TRIML2: variants seen among roughly 807,000 people sequenced by gnomAD.
TRIML2 encodes the protein probable E3 ubiquitin-protein ligase TRIML2.
A neutral mutation model predicts 31.2 loss-of-function variants in TRIML2; 28 were observed. That is an observed-to-expected ratio of 0.90 (90% confidence interval 0.66 to 1.23). TRIML2 has a LOEUF of 1.23. TRIML2 is among the 50% of genes most tolerant of loss of function. TRIML2 has a pLI of 0.00. For missense variants in TRIML2, 536 were observed against 528.3 expected (o/e 1.01, Z -0.14); for synonymous variants, 187 against 197.5 (o/e 0.95, Z 0.45).
chr4:188,106,314 G>C (rs34559257), intron 1 of TRIML2, among the ~76,000 whole-genome samples: 45,911 of 152,004 alleles, frequency 0.3, 7,284 homozygotes, highest in African/African-American at 0.41. Context: ...GCCTCCCAAA[G>C]TGCTGGGATT....
chr4:188,106,251 C>T (rs7670619), intron 1 of TRIML2, among the ~76,000 whole-genome samples: 55,469 of 151,670 alleles, frequency 0.37, 10,203 homozygotes, highest in South Asian at 0.45. Context: ...CGGGGTTTCA[C>T]CGTGTTAGCC....
At chr4:188,101,760 G>A (rs1414134280) in intron 3 of TRIML2, among the ~76,000 whole-genome samples, 2 of 151,872 alleles carry the variant, frequency 1.3e-5, no homozygotes, top group East Asian at 3.9e-4. Context: ...AAACCCAAAG[G>A]AGAAATAGAA....
chr4:188,100,322 A>C (rs981932582), intron 4 of TRIML2, among the ~76,000 whole-genome samples: 3 of 152,180 alleles, frequency 2.0e-5, no homozygotes, highest in Non-Finnish European at 2.9e-5. Context: ...TGTTATATCC[A>C]GTTTACAGCT....
At chr4:188,096,745 C>T (rs1198803351) in intron 7 of TRIML2, among the ~76,000 whole-genome samples, 1 of 151,568 alleles carries the variant, frequency 6.6e-6, no homozygotes, top group Non-Finnish European at 1.5e-5. Context: ...CAATCTCCAC[C>T]TCCTGGGTTC....
chr4:188,101,290 A>C (rs1387846444), intron 3 of TRIML2, 40 bp from the exon 4 acceptor site: 2 of 1,323,424 alleles, frequency 1.5e-6, no homozygotes, highest in Non-Finnish European at 2.1e-6. Flanking sequence ...GTTAAACATG[A>C]TAGATTAACA....
chr4:188,100,707 C>G (rs553360833), intron 4 of TRIML2, among the ~76,000 whole-genome samples: 3 of 152,100 alleles, frequency 2.0e-5, no homozygotes, highest in Admixed American at 2.0e-4. Context: ...GGAGACAGAG[C>G]CAGACTCTGT....
chr4:188,098,742 C>T (rs28637448), intron 5 of TRIML2: 184,398 of 336,362 alleles, frequency 0.55, 54,100 homozygotes, highest in East Asian at 0.92. Context: ...TCTTTATGAT[C>T]ACAGAATATT....
chr4:188,094,095 AAC>A lies in TRIML2; in HGVS notation c.746-2156_746-2155del, dbSNP rs796660857. Among the ~76,000 whole-genome samples the A allele has an allele frequency of 8.0e-3, 1,061 of 133,426 alleles. 36 individuals carry two copies. The highest frequency in any genetic ancestry group is 0.03 in the African/African-American group (1,006 of 33,772). 87.5% of individuals were successfully genotyped at this position (133,426 alleles called of 152,430 possible). A position where few individuals can be genotyped will look rare whatever the true frequency, so the allele number is the denominator to read the frequency against. The stretch of plus-strand genomic sequence containing the variant: ...GACAGAGCCAGACAGCATCTCAAAA[AAC>A]AAAAACAAAAACAAAAACAAAAACA... On this transcript the variant is annotated intron_variant, in intron 7 of 7. Coordinates refer to ENST00000682553, the MANE Select transcript of TRIML2 (RefSeq NM_173553.4).
rs752356233 is a variant in TRIML2 at position 188,105,165 on chromosome 4, G to C, written c.189+15C>G. On this transcript the variant is annotated intron_variant, in intron 2 of 7. Transcript: ENST00000682553. ...TTGGCCAGAGTGTTTTGGGATTTGC[G>C]TGAGTGACTCTTACCCTGTAATTCT... The C allele has an allele frequency of 6.3e-7, 1 of 1,591,448 alleles. No homozygotes were observed. Among genetic ancestry groups the C allele is most frequent in the East Asian group, 2.3e-5 (1 of 44,248 alleles).
rs79229605 is a variant in TRIML2 at position 188,108,814 on chromosome 4, C to T, written c.-223+429G>A. Reference sequence around the variant, plus strand: ...ATCACTACTCAATTTGAAATACCTTCCCACTACTCATCTCCTTATTTTATT... The same window carrying T: ...ATCACTACTCAATTTGAAATACCTTTCCACTACTCATCTCCTTATTTTATT... On this transcript the variant is annotated intron_variant, in intron 1 of 7. Coordinates refer to ENST00000682553, the MANE Select transcript of TRIML2 (RefSeq NM_173553.4). Among the ~76,000 whole-genome samples the T allele has an allele frequency of 9.5e-3, 1,441 of 152,264 alleles. 23 individuals are homozygous for T. The highest frequency in any genetic ancestry group is 0.029 in the African/African-American group (1,207 of 41,552).
Position 188,091,300 on chromosome 4 carries a change from T to C in TRIML2, c.*73A>G. 5 of 1,453,768 alleles carry C rather than the reference T, an allele frequency of 3.4e-6. No individual in the cohort carries two copies. The highest frequency in any genetic ancestry group is 4.7e-6 in the Non-Finnish European group (5 of 1,066,764). The allele number at this position is 1,453,768 out of a possible 1,614,324, so 90.1% of individuals were successfully genotyped here. Reference sequence around the variant, plus strand: ...TGGAACGCTTTTTATTGGGTTAGTTTACACAAATTCTTTCAAAGTCTTGTT... The same window carrying C: ...TGGAACGCTTTTTATTGGGTTAGTTCACACAAATTCTTTCAAAGTCTTGTT... On this transcript the variant is annotated 3_prime_UTR_variant, in exon 8 of 8. Coordinates refer to ENST00000682553, the MANE Select transcript of TRIML2 (RefSeq NM_173553.4).
At chr4:188,097,205 C>A in intron 6 of TRIML2, 44 bp from the exon 7 acceptor site, 1 of 1,596,544 alleles carries the variant, frequency 6.3e-7, no homozygotes, top group Non-Finnish European at 8.6e-7. Context: ...AGACCACAGG[C>A]CCCTTAGTCT....
At chr4:188,095,991 T>C (rs1733490007) in intron 7 of TRIML2, among the ~76,000 whole-genome samples, 1 of 152,322 alleles carries the variant, frequency 6.6e-6, no homozygotes, top group South Asian at 2.1e-4. Flanking sequence ...GGCAAAGCTA[T>C]AAGGACAGGA....
chr4:188,099,218 C>G, intron 4 of TRIML2, 43 bp from the exon 5 acceptor site: 5 of 1,551,560 alleles, frequency 3.2e-6, no homozygotes, highest in Non-Finnish European at 4.3e-6. Context: ...ACCTCAAGTT[C>G]AGGAACAAGA....
At chr4:188,096,507 G>C (rs1480948114) in intron 7 of TRIML2, among the ~76,000 whole-genome samples, 1 of 111,706 alleles carries the variant, frequency 9.0e-6, no homozygotes. Flanking sequence ...ACTCCAGCCT[G>C]GGCAAAGTGA....
intron 4 of TRIML2, among the ~76,000 whole-genome samples, chr4:188,099,403 G>A (rs113123386): frequency 0.11 from 17,374 of 152,030 alleles, 1,632 homozygotes; most frequent in East Asian, 0.51. Context: ...GTCTCCACTA[G>A]AAGTACAAAA....
chr4:188,097,389 G>C, intron 5 of TRIML2, 43 bp from the exon 6 acceptor site: 1 of 1,599,350 alleles, frequency 6.3e-7, no homozygotes, highest in South Asian at 1.1e-5. Context: ...GGGTTTTTGA[G>C]CTGTTTTTGC....
At position 188,103,011 on chromosome 4, in the gene TRIML2, T is replaced by G. The variant is rs1259188722; in HGVS notation, c.286-1761A>C. On this transcript the variant is annotated intron_variant, in intron 3 of 7. Transcript: ENST00000682553. Reference sequence around the variant, plus strand: ...CTCTGCTTTTACTCTCTTGGTTTTTTTTTTTTTTTTTTTTTTTTTGAGACG... The same window carrying G: ...CTCTGCTTTTACTCTCTTGGTTTTTGTTTTTTTTTTTTTTTTTTTGAGACG... Among the ~76,000 whole-genome samples the G allele has an allele frequency of 2.6e-4, 35 of 134,612 alleles. 1 individual carries two copies. The highest frequency in any genetic ancestry group is 9.4e-4 in the African/African-American group (34 of 36,086). The allele number at this position is 134,612 out of a possible 152,430, so 88.3% of individuals were successfully genotyped here.
chr4:188,098,979 C>T, intron 5 of TRIML2, 56 bp downstream of exon 5: 1 of 1,593,332 alleles, frequency 6.3e-7, no homozygotes, highest in Non-Finnish European at 8.6e-7. Context: ...GTACTGTCCA[C>T]TTCTCATTTC....
Sources: gnomAD v4.1 joint callset for allele counts (sites outside exome capture counted in the v4.1 genomes callset) on GRCh38, gnomAD v4.1.1 for gene constraint, MANE v1.5 for transcripts, NCBI Gene and HGNC (gene_info 2026-07-23, HGNC 2026-07-21) for gene names.